Variants in EP300 observed in about 807,000 individuals in gnomAD.
The protein encoded by EP300 is histone acetyltransferase p300.
Under a neutral mutation model 264.0 loss-of-function variants are expected in EP300, and 31 were observed. That is an observed-to-expected ratio of 0.12 (90% CI 0.09 to 0.16). The LOEUF is 0.16. Among genes scored for constraint, EP300 ranks in the 10% least tolerant of loss-of-function variants. The pLI is 1.00. For synonymous variants in EP300, 1,340 were observed against 1,045.4 expected (o/e 1.28, Z -5.44); for missense variants, 2,766 against 3,052.9 (o/e 0.91, Z 2.21).
chr22:41,108,924 T>C (rs1400385848), intron 1 of EP300, among the ~76,000 whole-genome samples: 6 of 152,196 alleles, frequency 3.9e-5, no homozygotes, highest in African/African-American at 1.2e-4. Flanking sequence ...TAATTAAATA[T>C]AAAGGGGGCA....
chr22:41,159,550 A>G (rs1053158999), intron 19 of EP300: 7 of 152,220 alleles, frequency 4.6e-5, no homozygotes, highest in Non-Finnish European at 1.0e-4. Context: ...AGTAGTCTAA[A>G]GTGTTTATCT....
Position 41,178,290 on chromosome 22 carries a change from G to C in EP300, c.6579G>C (p.Gln2193His). ...GACAGCAAATGATGCAACAGCAGCAGCAACAGGGAGCAGGGCCAGGAATAG... is the reference window on the plus strand; with the variant it reads ...GACAGCAAATGATGCAACAGCAGCACCAACAGGGAGCAGGGCCAGGAATAG... ...LRRQQMMQQQ[Q>H]QQGAGPGIGP... The change falls in exon 31 of 31, where the codon CAG becomes CAC. Residue 2193 changes from glutamine (Q) to histidine (H), a missense_variant. Gln to His is a conservative substitution (Grantham distance 24). Coordinates refer to ENST00000263253, the MANE Select transcript of EP300 (RefSeq NM_001429.4). The C allele has an allele frequency of 5.6e-6, 9 of 1,614,038 alleles. No individual in the cohort carries two copies. Among genetic ancestry groups the C allele is most frequent in the Non-Finnish European group, 7.6e-6 (9 of 1,179,986 alleles).
At chr22:41,128,166 T>TA (rs2058893911) in intron 4 of EP300, among the ~76,000 whole-genome samples, 1 of 151,884 alleles carries the variant, frequency 6.6e-6, no homozygotes, top group Non-Finnish European at 1.5e-5. Context: ...ACCATGTCTT[T>TA]AAAAAAGGTT....
intron 2 of EP300, among the ~76,000 whole-genome samples, chr22:41,125,018 A>G (rs1213216936): frequency 1.3e-5 from 2 of 151,762 alleles, no homozygotes; most frequent in African/African-American, 4.8e-5. Flanking sequence ...GCTTACTTGC[A>G]GCCTCAACCT....
intron 1 of EP300, among the ~76,000 whole-genome samples, chr22:41,106,482 C>T (rs2058758663): frequency 6.6e-6 from 1 of 152,136 alleles, no homozygotes; most frequent in African/African-American, 2.4e-5. Flanking sequence ...TTGTTTATTT[C>T]AATTGCTGAA....
intron 30 of EP300, 106 bp from the exon 31 acceptor site, chr22:41,176,667 G>GT: frequency 6.2e-7 from 1 of 1,611,516 alleles, no homozygotes; most frequent in Non-Finnish European, 8.5e-7. Flanking sequence ...GAAGAGGCTA[G>GT]TTTTTGTTCT....
intron 1 of EP300, among the ~76,000 whole-genome samples, chr22:41,097,174 T>C (rs977963822): frequency 2.0e-5 from 3 of 152,248 alleles, no homozygotes; most frequent in Non-Finnish European, 4.4e-5. Context: ...TTCTGGCAAT[T>C]ATTCTCAAGG....
rs1452095592 is a variant in EP300 at position 41,177,847 on chromosome 22, G to A, written c.6136G>A (p.Val2046Met). The change falls in exon 31 of 31, where the codon GTG (valine) becomes ATG (methionine). Residue 2046 changes from valine to methionine, a missense_variant. Coordinates refer to ENST00000263253, the MANE Select transcript of EP300 (RefSeq NM_001429.4). The part of the protein sequence containing the change: ...VGISPLKPGT[V>M]SQQALQNLLR... Reference sequence around the variant, plus strand: ...TATCAGCCCACTCAAACCAGGCACTGTGTCTCAACAAGCCTTACAAAACCT... The same window carrying A: ...TATCAGCCCACTCAAACCAGGCACTATGTCTCAACAAGCCTTACAAAACCT... 2 of 1,614,152 alleles carry A rather than the reference G, an allele frequency of 1.2e-6. No individual in the cohort carries two copies. Among genetic ancestry groups the A allele is most frequent in the African/African-American group, 1.3e-5 (1 of 75,038 alleles).
At chr22:41,144,399 T>C (rs981412357) in intron 10 of EP300, among the ~76,000 whole-genome samples, 1 of 152,162 alleles carries the variant, frequency 6.6e-6, no homozygotes, top group African/African-American at 2.4e-5. Context: ...TCGCCCAGCC[T>C]GGAGTGCAGT....
At chr22:41,142,818 G>A (rs531114632) in intron 10 of EP300, among the ~76,000 whole-genome samples, 25 of 152,162 alleles carry the variant, frequency 1.6e-4, no homozygotes, top group African/African-American at 5.1e-4. Context: ...CCCGGGAGGC[G>A]GAGCTTGCAG....
intron 6 of EP300, among the ~76,000 whole-genome samples, chr22:41,133,649 A>G (rs1040669282): frequency 6.6e-6 from 1 of 152,188 alleles, no homozygotes; most frequent in Non-Finnish European, 1.5e-5. Context: ...TGTATTTGGG[A>G]TGCCAACCAA....
chr22:41,144,574 C>T (rs2059000618), intron 10 of EP300, among the ~76,000 whole-genome samples: 1 of 151,870 alleles, frequency 6.6e-6, no homozygotes, highest in Non-Finnish European at 1.5e-5. Flanking sequence ...CCAGACTAGT[C>T]TCGAACTCCT....
At chr22:41,139,994 CAAAA>C in intron 8 of EP300, 142 bp from the exon 9 acceptor site, 1 of 664,122 alleles carries the variant, frequency 1.5e-6, no homozygotes, top group Non-Finnish European at 2.7e-6. Flanking sequence ...TTGTTTATCA[CAAAA>C]AGATAATTTC....
At chr22:41,145,948 G>A (rs1392370680) in intron 10 of EP300, among the ~76,000 whole-genome samples, 1 of 151,918 alleles carries the variant, frequency 6.6e-6, no homozygotes. Flanking sequence ...TTCTGTTTTT[G>A]TATTTAAGAG....
In EP300 at chr22:41,117,273, A is replaced by G. The variant is rs774675956; in HGVS notation, c.181A>G (p.Ile61Val). 1.9e-6 allele frequency: 3 copies of G among 1,614,232 alleles called. No individual in the cohort carries two copies. Among genetic ancestry groups the G allele is most frequent in the Middle Eastern group, 1.6e-4 (1 of 6,062 alleles). ...ATTGGGACTAACCAATGGTGGTGATATTAATCAGCTTCAGACAAGTCTTGG... is the reference window on the plus strand; with the variant it reads ...ATTGGGACTAACCAATGGTGGTGATGTTAATCAGCTTCAGACAAGTCTTGG... The part of the protein sequence containing the change: ...TELGLTNGGD[I>V]NQLQTSLGMV... Residue 61 changes from isoleucine to valine, a missense_variant, in exon 2 of 31, where the codon ATT becomes GTT. Physicochemically the swap from Ile to Val is conservative, Grantham distance 29 (BLOSUM62 3). Transcript: ENST00000263253.
chr22:41,134,493 C>A (rs2058938975), intron 6 of EP300, among the ~76,000 whole-genome samples: 1 of 152,022 alleles, frequency 6.6e-6, no homozygotes. Flanking sequence ...CTCCTGGGCT[C>A]AAGCGGTACT....
intron 16 of EP300, 70 bp downstream of exon 16, chr22:41,152,420 A>G (rs2145741415): frequency 6.4e-7 from 1 of 1,552,854 alleles, no homozygotes; most frequent in Non-Finnish European, 8.7e-7. Flanking sequence ...AATTGCGGTC[A>G]TGCCTCTTGG....
At chr22:41,151,786 G>T (rs2059046903) in intron 14 of EP300, 47 bp from the exon 15 acceptor site, 4 of 1,582,368 alleles carry the variant, frequency 2.5e-6, no homozygotes, top group Non-Finnish European at 3.5e-6. Flanking sequence ...TGTATCGTTG[G>T]CAGACTCTGC....
chr22:41,151,741 A>T lies in EP300; in HGVS notation c.2818-92A>T. On this transcript the variant is annotated intron_variant, in intron 14 of 30. Coordinates refer to ENST00000263253, the MANE Select transcript of EP300 (RefSeq NM_001429.4). ...ATATAAGCCAAGAAATAGGTGGCTA[A>T]TTCTGCTATCCTGTTGCTTACCTTA... is the stretch of plus-strand genomic sequence containing the variant. 2.3e-6 allele frequency: 3 copies of T among 1,327,094 alleles called. No individual in the cohort carries two copies. The South Asian group carries it at 3.6e-5, about 16-fold the overall frequency. 82.2% of individuals were successfully genotyped at this position (1,327,094 alleles called of 1,614,324 possible). A position where few individuals can be genotyped will look rare whatever the true frequency, so the allele number is the denominator to read the frequency against.
Sources: gnomAD v4.1 joint callset for allele counts (sites outside exome capture counted in the v4.1 genomes callset) on GRCh38, gnomAD v4.1.1 for gene constraint, MANE v1.5 for transcripts, NCBI Gene and HGNC (gene_info 2026-07-23, HGNC 2026-07-21) for gene names.